The following TMEM132D variants were observed in gnomAD, a reference collection of about 807,000 sequenced individuals.
The protein encoded by TMEM132D is mature OL transmembrane protein.
In TMEM132D, 21 loss-of-function variants were observed where a neutral mutation model predicts 62.3. The ratio of observed to expected loss-of-function variants is 0.34; its 90% CI spans 0.24 to 0.49. The LOEUF (loss-of-function observed/expected upper bound fraction) is 0.49, where lower values mean the gene tolerates loss of function less well. Among genes scored for constraint, TMEM132D ranks in the 20% least tolerant of loss-of-function variants. The probability of loss-of-function intolerance (pLI) is 0.99; values close to 1 mark genes in which losing one functional copy is unlikely to be tolerated. For missense variants in TMEM132D, 1,346 were observed against 1,402.8 expected, an observed-to-expected ratio of 0.96 and a Z score of 0.65; for synonymous variants, 621 against 575.6, an observed-to-expected ratio of 1.08 and a Z score of -1.13.
chr12:129,086,772 ATATT>A lies in TMEM132D; in HGVS notation c.1444-2074_1444-2071del, dbSNP rs1446994607. Among the ~76,000 whole-genome samples the A allele has an allele frequency of 3.3e-5, 5 of 150,394 alleles. No homozygotes were observed. In the East Asian group the frequency reaches 7.8e-4, roughly 23 times the overall value. ...TACATTGTATATAAATTTGAAATATATATTTATGTATATTGTATATAAATGTTAT... is the reference window on the plus strand; with the variant it reads ...TACATTGTATATAAATTTGAAATATATATGTATATTGTATATAAATGTTAT... On this transcript the variant is annotated intron_variant, in intron 5 of 8. Coordinates refer to ENST00000422113, the MANE Select transcript of TMEM132D (RefSeq NM_133448.3).
chr12:129,126,011 C>A (rs1876202701), intron 5 of TMEM132D, among the ~76,000 whole-genome samples: 1 of 152,124 alleles, frequency 6.6e-6, no homozygotes. Context: ...TCCCGGGGGG[C>A]CAGCTATGCC....
At chr12:129,122,667 C>A (rs543270433) in intron 5 of TMEM132D, among the ~76,000 whole-genome samples, 1 of 152,314 alleles carries the variant, frequency 6.6e-6, no homozygotes, top group East Asian at 1.9e-4. Flanking sequence ...ATTCTATTCT[C>A]CTCTGTGCTT....
chr12:129,812,113 C>T (rs577549611), intron 1 of TMEM132D, among the ~76,000 whole-genome samples: 7 of 151,848 alleles, frequency 4.6e-5, no homozygotes, highest in Non-Finnish European at 5.9e-5. Context: ...GACACCTTCA[C>T]TTTCACAGTT....
chr12:129,271,010 C>T (rs77537032), intron 4 of TMEM132D, among the ~76,000 whole-genome samples: 6,810 of 152,188 alleles, frequency 0.045, 349 homozygotes, highest in Admixed American at 0.15. Flanking sequence ...GCCTCAAAGG[C>T]GTTATTGTTA....
chr12:129,647,221 T>C (rs1217109421), intron 2 of TMEM132D, among the ~76,000 whole-genome samples: 2 of 149,874 alleles, frequency 1.3e-5, no homozygotes, highest in Non-Finnish European at 2.9e-5. Context: ...ATGTGCATTA[T>C]TTGCTGTTCC....
intron 4 of TMEM132D, among the ~76,000 whole-genome samples, chr12:129,321,132 G>C (rs1437784863): frequency 1.3e-5 from 2 of 152,112 alleles, no homozygotes; most frequent in Admixed American, 1.3e-4. Context: ...GTTTCCCTAA[G>C]AGGTAATGCA....
At chr12:129,668,756 C>T (rs1880435966) in intron 2 of TMEM132D, among the ~76,000 whole-genome samples, 4 of 152,120 alleles carry the variant, frequency 2.6e-5, no homozygotes, top group Non-Finnish European at 5.9e-5. Flanking sequence ...TGCATACGTG[C>T]AATAAGAATC....
chr12:129,799,407 GTATATATATGTGTATATATGTGTATATA>G (rs759156017), intron 1 of TMEM132D, among the ~76,000 whole-genome samples: 149,606 of 150,864 alleles, frequency 0.99, 74,183 homozygotes, highest in South Asian at 1. Context: ...TATTATATAT[GTATATATATGTGTATATATGTGTATATA>G]TGTATATATA....
At chr12:129,291,164 G>A (rs1292270227) in intron 4 of TMEM132D, among the ~76,000 whole-genome samples, 7 of 152,096 alleles carry the variant, frequency 4.6e-5, no homozygotes, top group South Asian at 2.1e-4. Flanking sequence ...AATGGGGCAC[G>A]GCTGGAGAAA....
intron 1 of TMEM132D, among the ~76,000 whole-genome samples, chr12:129,848,092 A>G (rs1052088589): frequency 6.6e-6 from 1 of 152,226 alleles, no homozygotes; most frequent in Non-Finnish European, 1.5e-5. Flanking sequence ...ATTAACTCCA[A>G]TAAGTGAGAG....
intron 4 of TMEM132D, among the ~76,000 whole-genome samples, chr12:129,219,797 G>C (rs1188321666): frequency 6.6e-6 from 1 of 152,056 alleles, no homozygotes; most frequent in Non-Finnish European, 1.5e-5. Context: ...CAAACATGGT[G>C]GTAGCCCTGC....
rs527602837 is a variant in TMEM132D, at chr12:129,391,548, T to A, written c.1116-53731A>T. Among the ~76,000 whole-genome samples, 13 of 152,244 alleles carry A rather than the reference T, an allele frequency of 8.5e-5. No individual in the cohort carries two copies. In the South Asian group the frequency reaches 2.7e-3, roughly 32 times the overall value. On this transcript the variant is annotated intron_variant, in intron 3 of 8. Coordinates refer to ENST00000422113, the MANE Select transcript of TMEM132D (RefSeq NM_133448.3). ...CGGTGCCTGGACAAGCCCAGTGAGG[T>A]CTCAGAATTCAGAATTTCTCCCCCC...
chr12:129,606,763 C>T (rs1878636109), intron 2 of TMEM132D, among the ~76,000 whole-genome samples: 1 of 152,164 alleles, frequency 6.6e-6, no homozygotes, highest in Non-Finnish European at 1.5e-5. Flanking sequence ...AAAAAAGTTA[C>T]ATTAAATTGG....
chr12:129,200,154 G>A (rs1378108065), intron 5 of TMEM132D, among the ~76,000 whole-genome samples: 4 of 152,096 alleles, frequency 2.6e-5, no homozygotes, highest in Non-Finnish European at 5.9e-5. Flanking sequence ...GACCAAGAGG[G>A]CCAATCCCTG....
chr12:129,677,634 A>G (rs996000779), intron 2 of TMEM132D, among the ~76,000 whole-genome samples: 1 of 152,222 alleles, frequency 6.6e-6, no homozygotes, highest in Non-Finnish European at 1.5e-5. Flanking sequence ...ACATACGTAT[A>G]TACGTATTAG....
chr12:129,474,624 G>C (rs574557114), intron 3 of TMEM132D, among the ~76,000 whole-genome samples: 2 of 152,262 alleles, frequency 1.3e-5, no homozygotes, highest in Middle Eastern at 3.4e-3. Flanking sequence ...CAGCCTTCTC[G>C]TCCCTTCGCG....
At chr12:129,262,055 G>A (rs1171227699) in intron 4 of TMEM132D, among the ~76,000 whole-genome samples, 1 of 152,020 alleles carries the variant, frequency 6.6e-6, no homozygotes, top group Non-Finnish European at 1.5e-5. Flanking sequence ...CAGAGGGATG[G>A]GTCTTTTTTC....
chr12:129,216,392 C>CT (rs781472203), intron 4 of TMEM132D, among the ~76,000 whole-genome samples: 3 of 152,260 alleles, frequency 2.0e-5, no homozygotes, highest in Admixed American at 1.3e-4. Flanking sequence ...GAGACATGGT[C>CT]TTAATGGATT....
chr12:129,430,123 G>A lies in TMEM132D; in HGVS notation c.1116-92306C>T, dbSNP rs551436712. On this transcript the variant is annotated intron_variant, in intron 3 of 8. Transcript: ENST00000422113. Reference sequence around the variant, plus strand: ...AGTAATGGGATGGCTGGGTCAAACGGTATTTCTAGTTCTAGATCCCTGATG... The same window carrying A: ...AGTAATGGGATGGCTGGGTCAAACGATATTTCTAGTTCTAGATCCCTGATG... 5.1e-4 allele frequency among the ~76,000 whole-genome samples: 77 copies of A among 152,276 alleles called. 1 individual carries two copies. Among genetic ancestry groups the A allele is most frequent in the African/African-American group, 1.8e-3 (74 of 41,552 alleles).
Sources: gnomAD v4.1 joint callset for allele counts (sites outside exome capture counted in the v4.1 genomes callset) on GRCh38, gnomAD v4.1.1 for gene constraint, MANE v1.5 for transcripts, NCBI Gene and HGNC (gene_info 2026-07-23, HGNC 2026-07-21) for gene names.